The following CUL3 variants were observed in gnomAD, a reference collection of about 807,000 sequenced individuals.
CUL3 encodes the protein cullin-3.
In CUL3, 19 loss-of-function variants were observed where a neutral mutation model predicts 89.1. The observed-to-expected ratio is 0.21, with a 90% CI of 0.15 to 0.31. The LOEUF (loss-of-function observed/expected upper bound fraction) is 0.31. CUL3 is among the 10% of genes least tolerant of loss of function. The pLI is 1.00. For synonymous variants in CUL3, 351 were observed against 308.4 expected (o/e 1.14, Z -1.45); for missense variants, 469 against 942.3 (o/e 0.50, Z 6.58).
At position 224,506,019 on chromosome 2, in the gene CUL3, G is replaced by A. The variant is rs974398061; in HGVS notation, c.1143C>T (p.Asn381=). Residue 381 remains asparagine, a synonymous_variant, in exon 8 of 16, where the codon AAC becomes AAT. Transcript: ENST00000264414. The part of the protein sequence containing the change: ...AGDFEYFLNL[N]SRSPEYLSLF... ...ATGAGAGGTATTCAGGAGACCTGGAGTTGAGGTTGAGAAAATACTCAAAGT... is the reference window on the plus strand; with the variant it reads ...ATGAGAGGTATTCAGGAGACCTGGAATTGAGGTTGAGAAAATACTCAAAGT... 1 of 1,612,314 alleles carries A rather than the reference G, an allele frequency of 6.2e-7. No individual in the cohort carries two copies. The highest frequency in any genetic ancestry group is 8.5e-7 in the Non-Finnish European group (1 of 1,178,880).
intron 1 of CUL3, among the ~76,000 whole-genome samples, chr2:224,566,760 A>T (rs1441929307): frequency 6.6e-6 from 1 of 152,152 alleles, no homozygotes; most frequent in African/African-American, 2.4e-5. Context: ...GCTTTTCTTA[A>T]ATCATATTAG....
At chr2:224,562,996 A>G (rs763134733) in intron 1 of CUL3, 2 of 210,504 alleles carry the variant, frequency 9.5e-6, no homozygotes, top group Non-Finnish European at 1.9e-5. Context: ...GAACGTCAGT[A>G]GATTTAACAC....
chr2:224,507,876 T>C (rs1004092151), intron 6 of CUL3, among the ~76,000 whole-genome samples: 3 of 152,178 alleles, frequency 2.0e-5, no homozygotes, highest in African/African-American at 7.2e-5. Flanking sequence ...TCAATAACTT[T>C]TTAAAATGGC....
At chr2:224,546,106 CACT>C (rs1453044309) in intron 2 of CUL3, among the ~76,000 whole-genome samples, 2 of 152,028 alleles carry the variant, frequency 1.3e-5, no homozygotes, top group Admixed American at 1.3e-4. Flanking sequence ...AGAAAAACAC[CACT>C]ATGACTTATC....
chr2:224,507,076 A>G, intron 6 of CUL3, 73 bp from the exon 7 acceptor site: 1 of 1,377,888 alleles, frequency 7.3e-7, no homozygotes, highest in South Asian at 1.5e-5. Context: ...TTCACGCTAT[A>G]ATACTGAGAG....
chr2:224,500,613 G>C, intron 10 of CUL3, 126 bp from the exon 11 acceptor site: 65 of 703,702 alleles, frequency 9.2e-5, no homozygotes, highest in Non-Finnish European at 1.2e-4. Flanking sequence ...TTAAAAAAAA[G>C]CAGATTTTCT....
At position 224,478,236 on chromosome 2, in the gene CUL3, A is replaced by G; in HGVS notation, c.2139T>C (p.Ser713=). The G allele has an allele frequency of 6.2e-7, 1 of 1,613,372 alleles. No individual in the cohort carries two copies. Among genetic ancestry groups the G allele is most frequent in the Non-Finnish European group, 8.5e-7 (1 of 1,179,568 alleles). The change falls in exon 15 of 16, where the codon TCT becomes TCC. Residue 713 remains serine, a synonymous_variant. Coordinates refer to ENST00000264414, the MANE Select transcript of CUL3 (RefSeq NM_003590.5). ...IEAAIVRIMK[S]RKKMQHNVLV... ...GAACATTGTGCTGCATCTTCTTTCT[A>G]GATTTCATTATCCGCACTATAGCAG...
In CUL3 at chr2:224,584,762, G is replaced by C. The variant is rs1695538070; in HGVS notation, c.66+182C>G. On this transcript the variant is annotated intron_variant, in intron 1 of 15. Coordinates refer to ENST00000264414, the MANE Select transcript of CUL3 (RefSeq NM_003590.5). The stretch of plus-strand genomic sequence containing the variant: ...TCCCGGCGCGGGGAACGGCCCGGGA[G>C]GGCGGCCGCGCCGGGGCCCCGCGCC... Among the ~76,000 whole-genome samples the C allele has an allele frequency of 1.4e-5, 2 of 146,520 alleles. 1 individual carries two copies. The highest frequency in any genetic ancestry group is 4.2e-4 in the South Asian group (2 of 4,814).
In CUL3 at chr2:224,495,850, T is replaced by C. The variant is rs779140903; in HGVS notation, c.1824A>G (p.Arg608=). Residue 608 remains arginine (R), a synonymous_variant, in exon 13 of 16, where the codon AGA becomes AGG. Transcript: ENST00000264414. ...QMTILMLFNN[R]EKYTFEEIQQ... is the part of the protein sequence containing the mutation. The stretch of plus-strand genomic sequence containing the variant: ...TCCATACCTCAAATGTGTATTTTTC[T>C]CTATTATTAAAGAGCATTAATATGG... The C allele has an allele frequency of 6.2e-7, 1 of 1,610,990 alleles. No individual in the cohort carries two copies. Among genetic ancestry groups the C allele is most frequent in the Non-Finnish European group, 8.5e-7 (1 of 1,177,652 alleles).
intron 3 of CUL3, among the ~76,000 whole-genome samples, chr2:224,519,077 C>CT (rs767910239): frequency 6.6e-5 from 10 of 152,342 alleles, no homozygotes; most frequent in Middle Eastern, 3.4e-3. Flanking sequence ...ATCCAAAAAT[C>CT]TGACATCTAA....
At chr2:224,475,291 AC>A (rs1396893041) in intron 15 of CUL3, among the ~76,000 whole-genome samples, 1 of 152,232 alleles carries the variant, frequency 6.6e-6, no homozygotes, top group Non-Finnish European at 1.5e-5. Context: ...TGCTGGGATT[AC>A]AGGCGTGAGC....
chr2:224,522,698 G>A (rs576664127), intron 3 of CUL3, among the ~76,000 whole-genome samples: 6 of 152,164 alleles, frequency 3.9e-5, no homozygotes, highest in South Asian at 2.1e-4. Flanking sequence ...GCGTGGTGGC[G>A]GGAGCCTGTA....
chr2:224,479,346 A>G (rs536274788), intron 14 of CUL3: 59 of 152,032 alleles, frequency 3.9e-4, no homozygotes, highest in Non-Finnish European at 2.6e-4. Flanking sequence ...AAGATAATCA[A>G]TATCTTAGTA....
Position 224,569,010 on chromosome 2 carries a change from A to T in CUL3, c.67-11154T>A, listed in dbSNP as rs200465581. Among the ~76,000 whole-genome samples the T allele has an allele frequency of 5.3e-5, 8 of 152,342 alleles. No individual in the cohort carries two copies. In the East Asian group the frequency reaches 1.5e-3, roughly 29 times the overall value. ...TGCCTAAATGTTCAACTCTCACCTC[A>T]TCAATATGTTAACAATAAAAACTTT... On this transcript the variant is annotated intron_variant, in intron 1 of 15. Transcript: ENST00000264414.
At chr2:224,517,303 T>A (rs916982898) in intron 3 of CUL3, among the ~76,000 whole-genome samples, 1 of 152,204 alleles carries the variant, frequency 6.6e-6, no homozygotes, top group African/African-American at 2.4e-5. Context: ...CTGAACATTT[T>A]AATTTAAAAA....
chr2:224,513,759 T>C (rs1294952497), intron 4 of CUL3, 121 bp from the exon 5 acceptor site: 1 of 650,798 alleles, frequency 1.5e-6, no homozygotes, highest in African/African-American at 1.9e-5. Context: ...AAGTGACCAA[T>C]CTCCAATAGG....
chr2:224,580,201 T>G (rs1695400445), intron 1 of CUL3, among the ~76,000 whole-genome samples: 1 of 152,250 alleles, frequency 6.6e-6, no homozygotes, highest in African/African-American at 2.4e-5. Context: ...ATACATTTTG[T>G]GCAAGGCGGG....
chr2:224,476,023 T>C (rs142083785), intron 15 of CUL3, among the ~76,000 whole-genome samples: 2,569 of 145,482 alleles, frequency 0.018, 39 homozygotes, highest in Middle Eastern at 0.028. Context: ...TTATTTATTT[T>C]TTATTAGTTT....
intron 6 of CUL3, among the ~76,000 whole-genome samples, chr2:224,510,991 C>T (rs6743228): frequency 0.26 from 39,337 of 151,966 alleles, 5,856 homozygotes; most frequent in African/African-American, 0.41. Context: ...AAGAGAATCA[C>T]AAAACCCCAA....
Sources: allele counts gnomAD v4.1 joint callset (sites outside exome capture counted in the v4.1 genomes callset), GRCh38; gene constraint gnomAD v4.1.1; transcripts MANE v1.5; gene names NCBI Gene and HGNC (gene_info 2026-07-23, HGNC 2026-07-21).